The following RCN1 variants were observed in gnomAD, a reference collection of about 807,000 sequenced individuals.
The protein encoded by RCN1 is reticulocalbin 1, also known as reticulocalbin-1.
A neutral mutation model predicts 34.7 loss-of-function variants in RCN1; 14 were observed. That is an observed-to-expected ratio of 0.40 (90% confidence interval 0.27 to 0.63). The LOEUF (loss-of-function observed/expected upper bound fraction) is 0.63, where lower values mean the gene tolerates loss of function less well. RCN1 is among the 30% of genes least tolerant of loss of function. RCN1 has a pLI of 0.37. For synonymous variants in RCN1, 125 were observed against 165.5 expected (o/e 0.76, Z 1.88); for missense variants, 326 against 425.1 (o/e 0.77, Z 2.05).
chr11:32,091,135 C>T lies in RCN1; in HGVS notation c.-62C>T, dbSNP rs559682013. 8,927 of 1,376,998 alleles carry T rather than the reference C, an allele frequency of 6.5e-3. 33 individuals are homozygous for T. The highest frequency in any genetic ancestry group is 8.9e-3 in the South Asian group (523 of 59,000). 85.3% of individuals were successfully genotyped at this position (1,376,998 alleles called of 1,614,324 possible). On this transcript the variant is annotated 5_prime_UTR_variant, in exon 1 of 6. Transcript: ENST00000054950. The stretch of plus-strand genomic sequence containing the variant: ...GCCGCCGCGCTCCGAGTCCCCATTC[C>T]CGAGCTGCCGCTGTTGTCGCTCGCT...
intron 4 of RCN1, chr11:32,102,793 C>A: frequency 3.0e-6 from 1 of 327,944 alleles, no homozygotes; most frequent in Non-Finnish European, 5.8e-6. Flanking sequence ...TATAACAGCA[C>A]TCACTTTGTA....
At chr11:32,094,833 G>C (rs1851955189) in intron 1 of RCN1, among the ~76,000 whole-genome samples, 1 of 152,196 alleles carries the variant, frequency 6.6e-6, no homozygotes. Flanking sequence ...CGGGGATCCA[G>C]GTGTTCTGAT....
At chr11:32,092,100 G>A (rs1023785697) in intron 1 of RCN1, among the ~76,000 whole-genome samples, 1 of 152,054 alleles carries the variant, frequency 6.6e-6, no homozygotes, top group African/African-American at 2.4e-5. Flanking sequence ...CTGAGGTCAG[G>A]AGTTCGAGAC....
chr11:32,097,387 C>A, intron 2 of RCN1, 50 bp downstream of exon 2: 1 of 1,332,668 alleles, frequency 7.5e-7, no homozygotes, highest in Non-Finnish European at 1.0e-6. Flanking sequence ...AGATCACAAG[C>A]TTTTTGTAGA....
rs201133722 is a variant in RCN1 at position 32,099,320 on chromosome 11, C to CA, written c.627+806dup. On this transcript the variant is annotated intron_variant, in intron 3 of 5. Transcript: ENST00000054950. ...TGGGCGACAGGGTGAGACTCCTTCT[C>CA]AAAAAAAAAAAAAAGAAAGAGCAAA... is the stretch of plus-strand genomic sequence containing the variant. Among the ~76,000 whole-genome samples, 938 of 120,802 alleles carry CA rather than the reference C, an allele frequency of 7.8e-3. 8 individuals are homozygous for CA. The highest frequency in any genetic ancestry group is 0.012 in the Non-Finnish European group (663 of 56,460). The allele number at this position is 120,802 out of a possible 152,430, so 79.3% of individuals were successfully genotyped here.
chr11:32,094,035 G>A (rs1036859282), intron 1 of RCN1, among the ~76,000 whole-genome samples: 4 of 152,114 alleles, frequency 2.6e-5, no homozygotes, highest in Non-Finnish European at 5.9e-5. Flanking sequence ...GATGGGTGAT[G>A]GATGCACCAT....
chr11:32,092,467 T>G (rs1344672945), intron 1 of RCN1, among the ~76,000 whole-genome samples: 1 of 152,024 alleles, frequency 6.6e-6, no homozygotes, highest in African/African-American at 2.4e-5. Context: ...AAGCACTCAG[T>G]TCTTTGGCAA....
At chr11:32,098,235 C>T (rs1215155961) in intron 2 of RCN1, 115 bp from the exon 3 acceptor site, 29 of 854,482 alleles carry the variant, frequency 3.4e-5, no homozygotes, top group South Asian at 7.4e-5. Flanking sequence ...CTCAGTAGGT[C>T]GGGACCTTTT....
intron 3 of RCN1, 138 bp downstream of exon 3, chr11:32,098,666 C>G: frequency 2.8e-6 from 2 of 713,364 alleles, no homozygotes; most frequent in Non-Finnish European, 4.5e-6. Flanking sequence ...TGTTGGAATC[C>G]CCGTCTACCC....
At chr11:32,099,382 T>G (rs1321444193) in intron 3 of RCN1, among the ~76,000 whole-genome samples, 1 of 151,984 alleles carries the variant, frequency 6.6e-6, no homozygotes, top group Non-Finnish European at 1.5e-5. Flanking sequence ...TCTGCCCCAT[T>G]TTTCAATTTT....
At chr11:32,091,562 C>G in intron 1 of RCN1, 112 bp downstream of exon 1, 1 of 1,382,646 alleles carries the variant, frequency 7.2e-7, no homozygotes, top group South Asian at 1.4e-5. Context: ...GCGCGCGCGG[C>G]CTCGAGGATG....
chr11:32,095,203 T>C (rs1242923672), intron 1 of RCN1, among the ~76,000 whole-genome samples: 1 of 151,566 alleles, frequency 6.6e-6, no homozygotes, highest in Admixed American at 6.6e-5. Flanking sequence ...TATGATTTCC[T>C]GGGGGAAGAA....
rs1852028183 is a variant in RCN1, at chr11:32,100,707, AGCT to A, written c.688+102_688+104del. On this transcript the variant is annotated intron_variant, in intron 4 of 5. Transcript: ENST00000054950. ...TTCCCCAGACGTCTCTTTTAGCAAC[AGCT>A]GCAAGTCTATACGTCACTCCTGGGA... 11 of 919,064 alleles carry A rather than the reference AGCT, an allele frequency of 1.2e-5. No individual in the cohort carries two copies. In the South Asian group the frequency reaches 1.6e-4, roughly 13 times the overall value. 56.9% of individuals were successfully genotyped at this position (919,064 alleles called of 1,614,324 possible). A position where few individuals can be genotyped will look rare whatever the true frequency, so the allele number is the denominator to read the frequency against.
At position 32,098,517 on chromosome 11, in the gene RCN1, A is replaced by G. The variant is rs1321325755; in HGVS notation, c.616A>G (p.Ile206Val). The change falls in exon 3 of 6, where the codon ATT becomes GTT. Residue 206 changes from isoleucine (I) to valine (V), a missense_variant. Ile to Val is a conservative substitution (Grantham distance 29, BLOSUM62 3). Coordinates refer to ENST00000054950, the MANE Select transcript of RCN1 (RefSeq NM_002901.4). ...TGAAGAGTTTGAACATATGAAGGAA[A>G]TTGTGGTTTTGGTAAGATAAGTGAA... The part of the protein sequence containing the change: ...HPEEFEHMKE[I>V]VVLETLEDID... 1 of 1,609,660 alleles carries G rather than the reference A, an allele frequency of 6.2e-7. No homozygotes were observed. Among genetic ancestry groups the G allele is most frequent in the African/African-American group, 1.3e-5 (1 of 74,716 alleles).
intron 4 of RCN1, among the ~76,000 whole-genome samples, chr11:32,101,630 A>C (rs1293318039): frequency 6.6e-6 from 1 of 152,210 alleles, no homozygotes; most frequent in East Asian, 1.9e-4. Flanking sequence ...ATCATGAGCC[A>C]AACACTGTTC....
intron 3 of RCN1, among the ~76,000 whole-genome samples, 189 bp from the exon 4 acceptor site, chr11:32,100,359 G>C (rs563666688): frequency 1.3e-5 from 2 of 152,126 alleles, no homozygotes; most frequent in African/African-American, 4.8e-5. Flanking sequence ...AAACTGGGGT[G>C]GGGGATTAGG....
At chr11:32,103,813 C>T (rs1234245947) in intron 5 of RCN1, among the ~76,000 whole-genome samples, 2 of 152,192 alleles carry the variant, frequency 1.3e-5, no homozygotes, top group Non-Finnish European at 2.9e-5. Flanking sequence ...CATTCATTGT[C>T]ACCAAATACT....
chr11:32,102,150 G>C (rs750902785), intron 4 of RCN1: 4 of 152,140 alleles, frequency 2.6e-5, no homozygotes, highest in Admixed American at 6.5e-5. Context: ...AGTGTGTGGT[G>C]GGGGGTGGTA....
In RCN1 at chr11:32,104,531, T is replaced by C; in HGVS notation, c.*59T>C. 1.1e-6 allele frequency: 1 copy of C among 931,304 alleles called. No individual in the cohort carries two copies. Among genetic ancestry groups the C allele is most frequent in the Non-Finnish European group, 1.7e-6 (1 of 581,282 alleles). 57.7% of individuals were successfully genotyped at this position (931,304 alleles called of 1,614,324 possible). On this transcript the variant is annotated 3_prime_UTR_variant, in exon 6 of 6. Coordinates refer to ENST00000054950, the MANE Select transcript of RCN1 (RefSeq NM_002901.4). The stretch of plus-strand genomic sequence containing the variant: ...GGCATTCTGTTATTGTCTTGGATTG[T>C]TGCTACAATTGTCTAATTTACAGCA...
Sources: allele counts gnomAD v4.1 joint callset (sites outside exome capture counted in the v4.1 genomes callset), GRCh38; gene constraint gnomAD v4.1.1; transcripts MANE v1.5; gene names NCBI Gene and HGNC (gene_info 2026-07-23, HGNC 2026-07-21).